Variants in PALD1 observed in about 807,000 individuals in gnomAD.
The protein encoded by PALD1 is paladin.
In PALD1, 57 loss-of-function variants were observed where a neutral mutation model predicts 96.0. The observed-to-expected ratio is 0.59, with a 90% CI of 0.48 to 0.74. PALD1 has a LOEUF of 0.74. Ranked by LOEUF, PALD1 falls within the 30% of genes least tolerant of loss-of-function variation. The pLI, the probability that PALD1 is intolerant of heterozygous loss-of-function variation, is 0.00. For missense variants in PALD1, 1,063 were observed against 1,143.7 expected (o/e 0.93, Z 1.02); for synonymous variants, 464 against 473.6 (o/e 0.98, Z 0.26).
chr10:70,564,430 C>T lies in PALD1; in HGVS notation c.2329C>T (p.Arg777Cys), dbSNP rs1177966224. 2.5e-6 allele frequency: 4 copies of T among 1,614,006 alleles called. No homozygotes were observed. Among genetic ancestry groups the T allele is most frequent in the Admixed American group, 1.7e-5 (1 of 60,026 alleles). The change falls in exon 19 of 20, where the codon CGC becomes TGC. Residue 777 changes from arginine to cysteine, a missense_variant. Physicochemically the swap from Arg to Cys is radical, Grantham distance 180. Coordinates refer to ENST00000263563, the MANE Select transcript of PALD1 (RefSeq NM_014431.3). ...LQLRSLQYLE[R>C]YVCLILFNAY... is the part of the protein sequence containing the mutation. ...GCTGCGGAGCCTGCAGTACTTGGAG[C>T]GCTATGTCTGCCTGATTCTCTTCAA...
At chr10:70,465,973 C>T in the PALD1 span, among the ~76,000 whole-genome samples, 6 of 152,304 alleles carry the variant, frequency 3.9e-5, no homozygotes, top group South Asian at 1.2e-3. Context: ...GGGGTTTGGA[C>T]TGGAAGTCTC....
chr10:70,465,891 C>T, the PALD1 span, among the ~76,000 whole-genome samples: 10 of 152,314 alleles, frequency 6.6e-5, no homozygotes, highest in East Asian at 9.7e-4. Context: ...GCCCCAGTTT[C>T]GTGGTTAACT....
intron 17 of PALD1, among the ~76,000 whole-genome samples, chr10:70,542,522 C>T (rs1303892181): frequency 2.6e-5 from 4 of 152,196 alleles, no homozygotes; most frequent in East Asian, 1.9e-4. Context: ...TGAGTGGAAT[C>T]GTACAGTATT....
intron 1 of PALD1, among the ~76,000 whole-genome samples, chr10:70,519,038 G>A (rs1846672912): frequency 6.6e-6 from 1 of 152,222 alleles, no homozygotes. Context: ...CTTGCTGTGT[G>A]AATGGGGGCA....
chr10:70,517,633 T>A (rs7081374), intron 1 of PALD1, among the ~76,000 whole-genome samples: 1 of 151,950 alleles, frequency 6.6e-6, no homozygotes, highest in Non-Finnish European at 1.5e-5. Flanking sequence ...TGAGCCACCA[T>A]ACCTGGCCTA....
At chr10:70,498,754 C>T (rs1451806678) in intron 1 of PALD1, among the ~76,000 whole-genome samples, 4 of 151,980 alleles carry the variant, frequency 2.6e-5, no homozygotes, top group Non-Finnish European at 2.9e-5. Context: ...TGGTAAAACC[C>T]GGTTTCTACT....
In PALD1 at chr10:70,539,217, T is replaced by A; in HGVS notation, c.1695T>A (p.Pro565=). 6.2e-7 allele frequency: 1 copy of A among 1,611,802 alleles called. No homozygotes were observed. Among genetic ancestry groups the A allele is most frequent in the Non-Finnish European group, 8.5e-7 (1 of 1,179,172 alleles). ...CDGHTYSLRW[P]GPPVAPDQLE... ...GGCACACCTACAGCCTGCGGTGGCC[T>A]GGGCCCCCTGTGGCTCCTGACCAGC... Residue 565 remains proline (P), a synonymous_variant, in exon 14 of 20, where the codon CCT becomes CCA. Transcript: ENST00000263563. This position sits in a 1 kb window ranked among gnomAD's most constrained non-coding sequence, Gnocchi z 4.5.
chr10:70,532,738 G>A lies in PALD1; in HGVS notation c.751G>A (p.Glu251Lys). ...IHGEDDLHVT[E>K]EVYKRPLFLQ... ...TGGTGAGGACGACTTGCATGTGACGGAGGAGGTGTACAAGCGGCCCCTCTT... is the reference window on the plus strand; with the variant it reads ...TGGTGAGGACGACTTGCATGTGACGAAGGAGGTGTACAAGCGGCCCCTCTT... The change falls in exon 6 of 20, where the codon GAG becomes AAG. Residue 251 changes from glutamate (E) to lysine (K), a missense_variant. Physicochemically the swap from Glu to Lys is moderately conservative, Grantham distance 56. Transcript: ENST00000263563. 6.2e-7 allele frequency: 1 copy of A among 1,614,204 alleles called. No homozygotes were observed. Among genetic ancestry groups the A allele is most frequent in the East Asian group, 2.2e-5 (1 of 44,874 alleles).
intron 10 of PALD1, among the ~76,000 whole-genome samples, chr10:70,535,165 C>T (rs915167642): frequency 6.6e-6 from 1 of 152,234 alleles, no homozygotes; most frequent in African/African-American, 2.4e-5. Context: ...ACTAGTAAAA[C>T]TCCTGGTGTT....
At chr10:70,542,937 T>G (rs925407421) in intron 17 of PALD1, among the ~76,000 whole-genome samples, 1 of 152,012 alleles carries the variant, frequency 6.6e-6, no homozygotes, top group African/African-American at 2.4e-5. Flanking sequence ...ACACTTGATT[T>G]CTTTTTTCTG....
At chr10:70,553,502 C>T (rs937737911) in intron 18 of PALD1, among the ~76,000 whole-genome samples, 3 of 152,220 alleles carry the variant, frequency 2.0e-5, no homozygotes, top group Admixed American at 2.0e-4. Flanking sequence ...CACACATGTC[C>T]TGACATCTCC....
chr10:70,527,215 T>G (rs1846886562), intron 2 of PALD1, among the ~76,000 whole-genome samples: 1 of 152,220 alleles, frequency 6.6e-6, no homozygotes, highest in Non-Finnish European at 1.5e-5. Flanking sequence ...TGGGCCTCAG[T>G]TTCCTTATCA....
intron 1 of PALD1, among the ~76,000 whole-genome samples, chr10:70,509,817 A>G (rs925915649): frequency 6.6e-6 from 1 of 152,200 alleles, no homozygotes; most frequent in Non-Finnish European, 1.5e-5. Context: ...GAAGCGCTGC[A>G]GCTTCTTCTG....
At chr10:70,486,981 C>A (rs993641545) in intron 1 of PALD1, among the ~76,000 whole-genome samples, 1 of 152,008 alleles carries the variant, frequency 6.6e-6, no homozygotes, top group Non-Finnish European at 1.5e-5. Context: ...AAGAGAAGGG[C>A]CCTCCCTAGA....
chr10:70,473,406 T>C, the PALD1 span, among the ~76,000 whole-genome samples: 1 of 152,234 alleles, frequency 6.6e-6, no homozygotes, highest in Non-Finnish European at 1.5e-5. Context: ...CTTGGATGCT[T>C]GAGCAGCTCT....
At position 70,567,176 on chromosome 10, in the gene PALD1, C is replaced by T; in HGVS notation, c.*443C>T. On this transcript the variant is annotated 3_prime_UTR_variant, in exon 20 of 20. Coordinates refer to ENST00000263563, the MANE Select transcript of PALD1 (RefSeq NM_014431.3). Reference sequence around the variant, plus strand: ...TCCCCACTTCCTTACTCCTGCTGCTCTGCCATTGCCGCTCCCCTTGTTGCT... The same window carrying T: ...TCCCCACTTCCTTACTCCTGCTGCTTTGCCATTGCCGCTCCCCTTGTTGCT... The T allele has an allele frequency of 6.1e-6, 1 of 163,206 alleles. No individual in the cohort carries two copies. The highest frequency in any genetic ancestry group is 1.3e-5 in the Non-Finnish European group (1 of 75,778). 10.1% of individuals were successfully genotyped at this position (163,206 alleles called of 1,614,324 possible). A position where few individuals can be genotyped will look rare whatever the true frequency, so the allele number is the denominator to read the frequency against.
In PALD1 at chr10:70,529,257, C is replaced by A; in HGVS notation, c.214C>A (p.His72Asn). 1.7e-6 allele frequency: 2 copies of A among 1,173,292 alleles called. No homozygotes were observed. The highest frequency in any genetic ancestry group is 1.2e-6 in the Non-Finnish European group (1 of 850,594). The allele number at this position is 1,173,292 out of a possible 1,614,324, so 72.7% of individuals were successfully genotyped here. The change falls in exon 3 of 20, where the codon CAT (histidine) becomes AAT (asparagine). Residue 72 changes from histidine (H) to asparagine (N), a missense_variant. Transcript: ENST00000263563. ...CAACTGCAAGGAGGAGTTCCAGATC[C>A]ATGATGAGCTGCTCAAGGCTCATTA... ...TYNCKEEFQI[H>N]DELLKAHYTL... is the part of the protein sequence containing the mutation.
At chr10:70,484,625 G>A (rs1399900029) in intron 1 of PALD1, among the ~76,000 whole-genome samples, 5 of 151,438 alleles carry the variant, frequency 3.3e-5, no homozygotes, top group African/African-American at 7.3e-5. Flanking sequence ...CTCAAGCTCC[G>A]CCTCCCGGGT....
intron 7 of PALD1, 112 bp downstream of exon 7, chr10:70,533,182 TTGTGTA>T (rs1289944058): frequency 3.6e-6 from 3 of 836,084 alleles, no homozygotes; most frequent in Non-Finnish European, 6.0e-6. Flanking sequence ...TCATTCTGTG[TTGTGTA>T]TGTGAGCATG....
Sources: gnomAD v4.1 joint callset for allele counts (sites outside exome capture counted in the v4.1 genomes callset) on GRCh38, gnomAD v4.1.1 for gene constraint, Gnocchi (gnomAD v3.1) non-coding constraint, MANE v1.5 for transcripts, NCBI Gene and HGNC (gene_info 2026-07-23, HGNC 2026-07-21) for gene names.